The following PCDHGA4 variants were observed in gnomAD, a reference collection of about 807,000 sequenced individuals.
PCDHGA4 encodes the protein protocadherin gamma subfamily A, 4.
A neutral mutation model predicts 54.6 loss-of-function variants in PCDHGA4; 38 were observed. That is an observed-to-expected ratio of 0.70 (90% CI 0.54 to 0.91). The LOEUF is 0.91. PCDHGA4 is among the 40% of genes least tolerant of loss of function. The pLI is 0.00. For missense variants in PCDHGA4, 1,298 were observed against 1,220.9 expected (o/e 1.06, Z -0.94); for synonymous variants, 511 against 512.9 (o/e 1.00, Z 0.05).
chr5:141,388,795 C>T, intron 1 of PCDHGA4: 1 of 1,613,834 alleles, frequency 6.2e-7, no homozygotes, highest in Admixed American at 1.7e-5. Context: ...GTTTTAAATA[C>T]ATTAGATTTT....
chr5:141,384,018 C>G, intron 1 of PCDHGA4: 1 of 1,613,740 alleles, frequency 6.2e-7, no homozygotes, highest in Non-Finnish European at 8.5e-7. Context: ...ACCTACAAGA[C>G]AGAGATTCTG....
chr5:141,465,043 T>C (rs1404714692), intron 1 of PCDHGA4, among the ~76,000 whole-genome samples: 2 of 152,030 alleles, frequency 1.3e-5, no homozygotes, highest in Non-Finnish European at 2.9e-5. Context: ...CAAATGACCC[T>C]ATATATTTTT....
At chr5:141,393,285 G>A (rs771057124) in intron 1 of PCDHGA4, 2 of 1,613,966 alleles carry the variant, frequency 1.2e-6, no homozygotes, top group Non-Finnish European at 1.7e-6. Context: ...CCCAGAAGCT[G>A]TTGACCCGGA....
rs1280755615 is a variant in PCDHGA4 at position 141,431,629 on chromosome 5, A to C, written c.2515-63178A>C. On this transcript the variant is annotated intron_variant, in intron 1 of 3. Transcript: ENST00000571252. This position sits in a 1 kb window ranked among gnomAD's most constrained non-coding sequence, Gnocchi z 4.8. ...GGTATGTGGACGACAAGGCGGCCCA[A>C]GTTTTCAAACTAGATTGTAATTCAG... 6.2e-7 allele frequency: 1 copy of C among 1,614,246 alleles called. No individual in the cohort carries two copies. Among genetic ancestry groups the C allele is most frequent in the South Asian group, 1.1e-5 (1 of 91,090 alleles).
intron 1 of PCDHGA4, chr5:141,408,241 G>A: frequency 1.3e-6 from 2 of 1,580,050 alleles, no homozygotes; most frequent in Non-Finnish European, 1.7e-6. Flanking sequence ...GGGCCGGCCC[G>A]CGGCAGGTGC....
chr5:141,419,065 C>G (rs763008753), intron 1 of PCDHGA4: 2 of 1,613,786 alleles, frequency 1.2e-6, no homozygotes, highest in South Asian at 2.2e-5. Context: ...ATAATTACTA[C>G]AAGCTAGTAA....
intron 1 of PCDHGA4, chr5:141,413,734 C>A: frequency 6.2e-7 from 1 of 1,613,422 alleles, no homozygotes; most frequent in Non-Finnish European, 8.5e-7. Context: ...CCTAAGAGTT[C>A]AGAGCCGTGC....
In PCDHGA4 at chr5:141,491,996, G is replaced by T; in HGVS notation, c.2515-2811G>T. ...TCCTTCGAGCTTCCGGTGAATTTCG[G>T]GCGATTTCCGCGGGTGTCGGGGGTC... is the stretch of plus-strand genomic sequence containing the variant. On this transcript the variant is annotated intron_variant, in intron 1 of 3. Coordinates refer to ENST00000571252, the MANE Select transcript of PCDHGA4 (RefSeq NM_018917.4). This position sits in a 1 kb window ranked among gnomAD's most constrained non-coding sequence, Gnocchi z 6.9. The T allele has an allele frequency of 2.9e-6, 2 of 686,328 alleles. No individual in the cohort carries two copies. Among genetic ancestry groups the T allele is most frequent in the Non-Finnish European group, 4.5e-6 (2 of 441,080 alleles). 42.5% of individuals were successfully genotyped at this position (686,328 alleles called of 1,614,324 possible). A position where few individuals can be genotyped will look rare whatever the true frequency, so the allele number is the denominator to read the frequency against.
chr5:141,421,665 C>G (rs1227312221), intron 1 of PCDHGA4: 4 of 1,613,854 alleles, frequency 2.5e-6, no homozygotes, highest in Non-Finnish European at 2.5e-6. Flanking sequence ...TCAGTGAGCA[C>G]GCAATTCCTG....
intron 1 of PCDHGA4, chr5:141,372,953 C>T (rs1217005690): frequency 1.5e-5 from 11 of 745,036 alleles, no homozygotes; most frequent in Non-Finnish European, 2.3e-5. Context: ...CTAGGAAATT[C>T]TTTGTAGAAT....
At chr5:141,365,047 G>T (rs1436850571) in intron 1 of PCDHGA4, 15 of 1,613,686 alleles carry the variant, frequency 9.3e-6, no homozygotes, top group Non-Finnish European at 1.3e-5. Flanking sequence ...ACGACAATGC[G>T]CCCCTGTTCA....
intron 1 of PCDHGA4, among the ~76,000 whole-genome samples, chr5:141,407,122 G>A (rs987492570): frequency 3.9e-5 from 6 of 152,094 alleles, no homozygotes; most frequent in African/African-American, 1.4e-4. Context: ...GGTTTCAGTT[G>A]CTTTATTTTT....
At chr5:141,446,831 T>C (rs1237079019) in intron 1 of PCDHGA4, among the ~76,000 whole-genome samples, 2 of 152,186 alleles carry the variant, frequency 1.3e-5, no homozygotes, top group East Asian at 3.9e-4. Context: ...TAGATCCTTA[T>C]AAGGCTGAGC....
intron 1 of PCDHGA4, chr5:141,384,922 C>G: frequency 6.2e-7 from 1 of 1,614,018 alleles, no homozygotes; most frequent in Non-Finnish European, 8.5e-7. Flanking sequence ...CTTGGCCGAC[C>G]TGGGCAGCCT....
At chr5:141,484,707 G>C (rs1288663675) in intron 1 of PCDHGA4, among the ~76,000 whole-genome samples, 1 of 151,802 alleles carries the variant, frequency 6.6e-6, no homozygotes. Flanking sequence ...TGTTTTCCCC[G>C]CCGAAAAGGG....
intron 2 of PCDHGA4, among the ~76,000 whole-genome samples, chr5:141,503,072 C>T (rs2099817948): frequency 6.6e-6 from 1 of 151,728 alleles, no homozygotes; most frequent in Non-Finnish European, 1.5e-5. Flanking sequence ...TCAGAATGGT[C>T]TCGATCTCCT....
At chr5:141,374,443 A>C (rs886695991) in intron 1 of PCDHGA4, 1 of 1,613,842 alleles carries the variant, frequency 6.2e-7, no homozygotes. Context: ...ATCCCGTGGA[A>C]GTGGAAATAG....
At chr5:141,438,400 T>C (rs2154557880) in intron 1 of PCDHGA4, among the ~76,000 whole-genome samples, 1 of 151,918 alleles carries the variant, frequency 6.6e-6, no homozygotes, top group Non-Finnish European at 1.5e-5. Context: ...TCATTAACTC[T>C]CTGAAGTATT....
intron 1 of PCDHGA4, chr5:141,374,770 G>A (rs750704696): frequency 6.8e-6 from 11 of 1,613,696 alleles, no homozygotes; most frequent in South Asian, 1.1e-5. Context: ...CCCAAATTCT[G>A]GTAACAGTTC....
Sources: gnomAD v4.1 joint callset for allele counts (sites outside exome capture counted in the v4.1 genomes callset) on GRCh38, gnomAD v4.1.1 for gene constraint, Gnocchi (gnomAD v3.1) non-coding constraint, MANE v1.5 for transcripts, NCBI Gene and HGNC (gene_info 2026-07-23, HGNC 2026-07-21) for gene names.